DOCK3: variants seen among roughly 807,000 people sequenced by gnomAD.
DOCK3 encodes dedicator of cytokinesis protein 3.
In DOCK3, 60 loss-of-function variants were observed where a neutral mutation model predicts 265.6. The ratio of observed to expected loss-of-function variants is 0.23; its 90% CI spans 0.18 to 0.28. The LOEUF (loss-of-function observed/expected upper bound fraction) is 0.28. Ranked by LOEUF, DOCK3 falls within the 10% of genes least tolerant of loss-of-function variation. DOCK3 has a pLI of 1.00. For missense variants in DOCK3, 1,981 were observed against 2,594.3 expected, an observed-to-expected ratio of 0.76 and a Z score of 5.14; for synonymous variants, 881 against 938.0, an observed-to-expected ratio of 0.94 and a Z score of 1.11.
chr3:51,357,866 C>A (rs767788055), intron 45 of DOCK3, 25 bp downstream of exon 45: 13 of 1,613,776 alleles, frequency 8.1e-6, no homozygotes, highest in Admixed American at 6.7e-5. Flanking sequence ...GCTTGGGAAC[C>A]AGCAGCCAGG....
chr3:51,194,904 A>C (rs1179751415), intron 12 of DOCK3, among the ~76,000 whole-genome samples: 1 of 147,704 alleles, frequency 6.8e-6, no homozygotes, highest in Non-Finnish European at 1.5e-5. Context: ...GGTTCACTGC[A>C]ACCTCTGCCT....
intron 1 of DOCK3, among the ~76,000 whole-genome samples, chr3:50,729,747 C>T (rs576422940): frequency 6.6e-6 from 1 of 151,904 alleles, no homozygotes; most frequent in Admixed American, 6.6e-5. Context: ...TTTTGAACTC[C>T]TGGCCTCAAG....
At chr3:50,924,593 T>A (rs993840220) in intron 4 of DOCK3, among the ~76,000 whole-genome samples, 2 of 152,216 alleles carry the variant, frequency 1.3e-5, no homozygotes, top group Non-Finnish European at 2.9e-5. Flanking sequence ...CCAAATCTCA[T>A]CCTCTTTGTC....
At chr3:50,842,505 A>C (rs1343281878) in intron 3 of DOCK3, among the ~76,000 whole-genome samples, 1 of 152,166 alleles carries the variant, frequency 6.6e-6, no homozygotes, top group African/African-American at 2.4e-5. Context: ...TTACATTTTA[A>C]TGCCTCCTAG....
chr3:50,866,239 C>G (rs2047137241), intron 3 of DOCK3, among the ~76,000 whole-genome samples: 1 of 152,094 alleles, frequency 6.6e-6, no homozygotes, highest in Non-Finnish European at 1.5e-5. Context: ...GTAATCCCAG[C>G]ACTTTGGGAG....
chr3:51,120,953 C>G (rs2083985399), intron 9 of DOCK3, among the ~76,000 whole-genome samples: 1 of 152,196 alleles, frequency 6.6e-6, no homozygotes, highest in Admixed American at 6.5e-5. Flanking sequence ...CTGGCTTCAG[C>G]TTCCTTTCCA....
At chr3:51,303,377 T>C (rs1367375263) in intron 27 of DOCK3, among the ~76,000 whole-genome samples, 1 of 152,164 alleles carries the variant, frequency 6.6e-6, no homozygotes, top group East Asian at 1.9e-4. Context: ...CTCAGAGAAG[T>C]TTGTTATTAC....
At chr3:51,014,755 T>A (rs2092597149) in intron 5 of DOCK3, among the ~76,000 whole-genome samples, 1 of 152,154 alleles carries the variant, frequency 6.6e-6, no homozygotes, top group Non-Finnish European at 1.5e-5. Flanking sequence ...TATGGACGTT[T>A]TAACAATATC....
chr3:51,165,491 T>C (rs535773694), intron 12 of DOCK3, among the ~76,000 whole-genome samples: 34 of 152,362 alleles, frequency 2.2e-4, no homozygotes, highest in African/African-American at 7.7e-4. Flanking sequence ...ATATACAATA[T>C]AGCGTTATTA....
At position 51,377,977 on chromosome 3, in the gene DOCK3, G is replaced by C. The variant is rs543864193; in HGVS notation, c.5500+2142G>C. Among the ~76,000 whole-genome samples the C allele has an allele frequency of 7.2e-5, 11 of 152,184 alleles. No individual in the cohort carries two copies. The East Asian group carries it at 2.1e-3, about 29-fold the overall frequency. On this transcript the variant is annotated intron_variant, in intron 51 of 52. Transcript: ENST00000266037. Reference sequence around the variant, plus strand: ...TTTTATGGAGAAGGTGATTTTTTTGGCAGAGAGGGGAAGGTACAGGGAGCC... The same window carrying C: ...TTTTATGGAGAAGGTGATTTTTTTGCCAGAGAGGGGAAGGTACAGGGAGCC...
In DOCK3 at chr3:51,361,708, A is replaced by T; in HGVS notation, c.5007-151A>T. 9.5e-7 allele frequency: 1 copy of T among 1,050,178 alleles called. No homozygotes were observed. Among genetic ancestry groups the T allele is most frequent in the Non-Finnish European group, 1.4e-6 (1 of 739,882 alleles). The allele number at this position is 1,050,178 out of a possible 1,614,324, so 65.1% of individuals were successfully genotyped here. On this transcript the variant is annotated intron_variant, in intron 47 of 52. Transcript: ENST00000266037. This position sits in a 1 kb window ranked among gnomAD's most constrained non-coding sequence, Gnocchi z 4.2. Reference sequence around the variant, plus strand: ...GCAGGGTACAGCTCAGGACTGCTCCAGGCCTCAGATGGGTATGAGCATTGA... The same window carrying T: ...GCAGGGTACAGCTCAGGACTGCTCCTGGCCTCAGATGGGTATGAGCATTGA...
chr3:51,264,697 G>A (rs1482482843), intron 23 of DOCK3, among the ~76,000 whole-genome samples: 1 of 151,866 alleles, frequency 6.6e-6, no homozygotes, highest in African/African-American at 2.4e-5. Context: ...CATGGTGGCG[G>A]TTACGTGTAG....
intron 3 of DOCK3, among the ~76,000 whole-genome samples, chr3:50,849,384 A>G (rs2046249619): frequency 6.6e-6 from 1 of 151,686 alleles, no homozygotes; most frequent in African/African-American, 2.4e-5. Context: ...ACACATACAC[A>G]TATATACACA....
chr3:51,176,440 A>T (rs973830436), intron 12 of DOCK3, among the ~76,000 whole-genome samples: 11 of 147,422 alleles, frequency 7.5e-5, no homozygotes, highest in African/African-American at 2.8e-4. Context: ...ACATGGTGAA[A>T]CCCCGTCTCT....
chr3:50,919,682 C>T (rs2050327305), intron 4 of DOCK3, among the ~76,000 whole-genome samples: 1 of 152,180 alleles, frequency 6.6e-6, no homozygotes, highest in African/African-American at 2.4e-5. Flanking sequence ...ACTATACAAT[C>T]ATGTCATCTG....
At chr3:50,751,959 C>T (rs777781924) in intron 1 of DOCK3, among the ~76,000 whole-genome samples, 4 of 152,110 alleles carry the variant, frequency 2.6e-5, no homozygotes, top group Admixed American at 6.5e-5. Flanking sequence ...AAGCCACCCC[C>T]ATGATCCAAT....
At chr3:51,196,914 G>T (rs1230695914) in intron 12 of DOCK3, among the ~76,000 whole-genome samples, 1 of 152,120 alleles carries the variant, frequency 6.6e-6, no homozygotes, top group Non-Finnish European at 1.5e-5. Context: ...CTTTGGAAGT[G>T]TCATATTTCC....
intron 27 of DOCK3, among the ~76,000 whole-genome samples, chr3:51,284,890 A>T (rs1283044825): frequency 6.6e-6 from 1 of 152,206 alleles, no homozygotes; most frequent in Non-Finnish European, 1.5e-5. Context: ...GTGGCCCTAG[A>T]TCACAGAAAG....
At chr3:50,945,146 T>C (rs1338439519) in intron 5 of DOCK3, among the ~76,000 whole-genome samples, 1 of 152,208 alleles carries the variant, frequency 6.6e-6, no homozygotes, top group Non-Finnish European at 1.5e-5. Context: ...TTTGCATTAA[T>C]TTTGACTGTG....
Sources: allele counts gnomAD v4.1 joint callset (sites outside exome capture counted in the v4.1 genomes callset), GRCh38; gene constraint gnomAD v4.1.1; non-coding constraint Gnocchi (gnomAD v3.1); transcripts MANE v1.5; gene names NCBI Gene and HGNC (gene_info 2026-07-23, HGNC 2026-07-21).